BCL2: variants seen among roughly 807,000 people sequenced by gnomAD.
BCL2 encodes the protein BCL2 apoptosis regulator.
Under a neutral mutation model 14.2 loss-of-function variants are expected in BCL2, and 1 was observed. That is an observed-to-expected ratio of 0.07 (90% CI 0.02 to 0.33). The LOEUF is 0.33. Among genes scored for constraint, BCL2 ranks in the 10% least tolerant of loss-of-function variants. BCL2 has a pLI of 0.99. For synonymous variants in BCL2, 151 were observed against 137.2 expected (o/e 1.10, Z -0.70); for missense variants, 247 against 305.9 (o/e 0.81, Z 1.44).
At chr18:63,269,645 C>A (rs1430081573) in intron 2 of BCL2, among the ~76,000 whole-genome samples, 1 of 152,066 alleles carries the variant, frequency 6.6e-6, no homozygotes, top group Non-Finnish European at 1.5e-5. Flanking sequence ...TGGTAAAAAG[C>A]AACATACATC....
At chr18:63,139,047 G>C (rs997326399) in intron 2 of BCL2, among the ~76,000 whole-genome samples, 2 of 152,354 alleles carry the variant, frequency 1.3e-5, no homozygotes, top group Middle Eastern at 3.4e-3. Context: ...TTCAGCCGGA[G>C]CTGGCTATTC....
chr18:63,304,920 G>A (rs2144291850), intron 2 of BCL2, among the ~76,000 whole-genome samples: 1 of 152,318 alleles, frequency 6.6e-6, no homozygotes, highest in South Asian at 2.1e-4. Context: ...CTAGTCAGGT[G>A]TCAACAAGCA....
At chr18:63,171,831 A>G (rs531473644) in intron 2 of BCL2, among the ~76,000 whole-genome samples, 88 of 152,274 alleles carry the variant, frequency 5.8e-4, no homozygotes, top group African/African-American at 2.1e-3. Context: ...AAAGAAAAAA[A>G]TTATCTGGGA....
intron 2 of BCL2, among the ~76,000 whole-genome samples, chr18:63,168,590 C>T (rs1055151358): frequency 5.9e-5 from 9 of 152,182 alleles, no homozygotes; most frequent in African/African-American, 2.2e-4. Flanking sequence ...AGCTGACGTC[C>T]ACAGCCAGAC....
intron 2 of BCL2, among the ~76,000 whole-genome samples, chr18:63,155,959 G>C (rs1162878588): frequency 6.6e-6 from 1 of 152,102 alleles, no homozygotes; most frequent in Non-Finnish European, 1.5e-5. Flanking sequence ...GTGTGACCAA[G>C]GTGAGGGGCA....
intron 2 of BCL2, among the ~76,000 whole-genome samples, chr18:63,218,483 T>C (rs1404968823): frequency 6.6e-6 from 1 of 152,020 alleles, no homozygotes; most frequent in Non-Finnish European, 1.5e-5. Flanking sequence ...ATATCTCCTT[T>C]ATGCAAAGCA....
chr18:63,230,699 A>G (rs74712335), intron 2 of BCL2, among the ~76,000 whole-genome samples: 3,690 of 152,230 alleles, frequency 0.024, 62 homozygotes, highest in Non-Finnish European at 0.038. Flanking sequence ...TTTTAAAGCA[A>G]TAAATCTAAA....
At chr18:63,316,181 T>TA (rs1913491314) in intron 2 of BCL2, 1 of 152,322 alleles carries the variant, frequency 6.6e-6, no homozygotes, top group Non-Finnish European at 1.5e-5. Context: ...CATGAGAGGG[T>TA]AACACACTGA....
intron 2 of BCL2, among the ~76,000 whole-genome samples, chr18:63,310,739 C>A (rs1913290468): frequency 1.3e-5 from 2 of 152,184 alleles, no homozygotes; most frequent in South Asian, 4.1e-4. Context: ...CCATCACTAC[C>A]CCGGTTCCTG....
chr18:63,205,432 T>C (rs1909809820), intron 2 of BCL2, among the ~76,000 whole-genome samples: 1 of 152,166 alleles, frequency 6.6e-6, no homozygotes, highest in African/African-American at 2.4e-5. Flanking sequence ...ACAAAAACAT[T>C]CGGACCTCAC....
intron 2 of BCL2, among the ~76,000 whole-genome samples, chr18:63,186,406 G>T (rs960765919): frequency 1.3e-5 from 2 of 152,130 alleles, no homozygotes; most frequent in African/African-American, 4.8e-5. Context: ...TATAATTAGT[G>T]GAAGTCTGCT....
chr18:63,170,102 G>A (rs537801694), intron 2 of BCL2, among the ~76,000 whole-genome samples: 4 of 152,020 alleles, frequency 2.6e-5, no homozygotes, highest in Non-Finnish European at 4.4e-5. Context: ...ATGACCTTGC[G>A]CAAGCTGCTA....
chr18:63,215,173 C>T (rs1290678138), intron 2 of BCL2, among the ~76,000 whole-genome samples: 1 of 152,200 alleles, frequency 6.6e-6, no homozygotes, highest in Non-Finnish European at 1.5e-5. Context: ...GCATCCCACC[C>T]TTTCTTGCAA....
intron 2 of BCL2, among the ~76,000 whole-genome samples, chr18:63,282,963 GCTTTTGTTC>G (rs1912358037): frequency 6.6e-6 from 1 of 152,092 alleles, no homozygotes; most frequent in South Asian, 2.1e-4. Context: ...CAGGCATTTG[GCTTTTGTTC>G]CTGGGATTTC....
chr18:63,247,837 C>T (rs1480130969), intron 2 of BCL2, among the ~76,000 whole-genome samples: 2 of 151,994 alleles, frequency 1.3e-5, no homozygotes, highest in Non-Finnish European at 2.9e-5. Flanking sequence ...CCCAAGATGT[C>T]GTAAGAAAAC....
At chr18:63,232,272 AAAAAAG>A (rs1039917127) in intron 2 of BCL2, among the ~76,000 whole-genome samples, 27 of 152,172 alleles carry the variant, frequency 1.8e-4, no homozygotes, top group African/African-American at 6.3e-4. Context: ...ACCATAAAGT[AAAAAAG>A]AAGAAGAAGG....
chr18:63,307,721 T>C (rs1351337017), intron 2 of BCL2, among the ~76,000 whole-genome samples: 1 of 152,166 alleles, frequency 6.6e-6, no homozygotes, highest in African/African-American at 2.4e-5. Flanking sequence ...TATCTGGGTG[T>C]CCTTTATAAT....
intron 2 of BCL2, among the ~76,000 whole-genome samples, chr18:63,144,687 G>T (rs1037234678): frequency 1.3e-5 from 2 of 152,166 alleles, no homozygotes; most frequent in African/African-American, 4.8e-5. Context: ...TCAAATAAAA[G>T]CAAGAAAACC....
At chr18:63,223,413 A>AT (rs1251371303) in intron 2 of BCL2, among the ~76,000 whole-genome samples, 8 of 35,338 alleles carry the variant, frequency 2.3e-4, no homozygotes, top group Non-Finnish European at 4.3e-4. Flanking sequence ...AAAAAAAAAT[A>AT]AATAAAGAAG....
Sources: gnomAD v4.1 joint callset for allele counts (sites outside exome capture counted in the v4.1 genomes callset) on GRCh38, gnomAD v4.1.1 for gene constraint, MANE v1.5 for transcripts, NCBI Gene and HGNC (gene_info 2026-07-23, HGNC 2026-07-21) for gene names.